Variants in KCNG3 observed in about 807,000 individuals in gnomAD.
The protein encoded by KCNG3 is voltage-gated potassium channel regulatory subunit KCNG3.
KCNG3 carries 15 observed loss-of-function variants against 29.0 expected under a neutral mutation model. The ratio of observed to expected loss-of-function variants is 0.52; its 90% CI spans 0.35 to 0.80. The LOEUF is 0.80. KCNG3 is among the 30% of genes least tolerant of loss of function. KCNG3 has a pLI of 0.01. For missense variants in KCNG3, 512 were observed against 605.7 expected (o/e 0.85, Z 1.62); for synonymous variants, 322 against 248.9 (o/e 1.29, Z -2.76).
the KCNG3 span, among the ~76,000 whole-genome samples, chr2:42,429,907 C>T: frequency 6.6e-6 from 1 of 152,180 alleles, no homozygotes; most frequent in Non-Finnish European, 1.5e-5. Context: ...ACAGAGCCAC[C>T]AGACTCAGCC....
chr2:42,481,711 CCTGTTGCT>C, intron 1 of KCNG3, among the ~76,000 whole-genome samples: 1 of 152,284 alleles, frequency 6.6e-6, no homozygotes, highest in East Asian at 1.9e-4. Flanking sequence ...CGGTTTCCTT[CCTGTTGCT>C]CCAATTGACC....
the KCNG3 span, among the ~76,000 whole-genome samples, chr2:42,434,902 G>A: frequency 5.3e-5 from 8 of 152,032 alleles, no homozygotes; most frequent in Admixed American, 2.0e-4. Context: ...ATATCTACAT[G>A]CAAAAAATAA....
chr2:42,433,621 C>T, the KCNG3 span, among the ~76,000 whole-genome samples: 1 of 152,128 alleles, frequency 6.6e-6, no homozygotes, highest in South Asian at 2.1e-4. Context: ...CCCCTGTAAT[C>T]CCAGCTACTT....
At chr2:42,483,273 G>C (rs937567045) in intron 1 of KCNG3, among the ~76,000 whole-genome samples, 4 of 152,210 alleles carry the variant, frequency 2.6e-5, no homozygotes, top group South Asian at 2.1e-4. Flanking sequence ...ATAAAGAATA[G>C]TTCTGACTTG....
rs183003648 is a variant in KCNG3 at position 42,451,383 on chromosome 2, G to A, written c.666-6804C>T. ...GCTTGAGCCCAGGAGTACAAGACCA[G>A]CCTGGGCAACAAAGCAAGACCCCAT... On this transcript the variant is annotated intron_variant, in intron 1 of 1. Coordinates refer to ENST00000306078, the MANE Select transcript of KCNG3 (RefSeq NM_133329.6). Among the ~76,000 whole-genome samples, 740 of 151,958 alleles carry A rather than the reference G, an allele frequency of 4.9e-3. 7 individuals carry two copies. The highest frequency in any genetic ancestry group is 7.1e-3 in the Non-Finnish European group (481 of 67,968).
chr2:42,483,705 G>C (rs1673648198), intron 1 of KCNG3, among the ~76,000 whole-genome samples: 1 of 152,172 alleles, frequency 6.6e-6, no homozygotes, highest in African/African-American at 2.4e-5. Context: ...TTTATTAAAT[G>C]AATTATGGCA....
chr2:42,395,053 A>C, the KCNG3 span, among the ~76,000 whole-genome samples: 1 of 152,242 alleles, frequency 6.6e-6, no homozygotes, highest in Non-Finnish European at 1.5e-5. Flanking sequence ...CATCAGAGCA[A>C]CCAAAGCATT....
intron 1 of KCNG3, among the ~76,000 whole-genome samples, chr2:42,446,687 T>C (rs1672605614): frequency 6.6e-6 from 1 of 152,154 alleles, no homozygotes; most frequent in South Asian, 2.1e-4. Flanking sequence ...CAAGTGGTAC[T>C]TGATGTTACT....
At chr2:42,431,320 T>C in the KCNG3 span, among the ~76,000 whole-genome samples, 4 of 152,108 alleles carry the variant, frequency 2.6e-5, no homozygotes, top group African/African-American at 7.2e-5. Flanking sequence ...CTTTTTTTTT[T>C]CCCTGAGCAT....
At chr2:42,420,602 C>G in the KCNG3 span, among the ~76,000 whole-genome samples, 1 of 151,994 alleles carries the variant, frequency 6.6e-6, no homozygotes, top group African/African-American at 2.4e-5. Flanking sequence ...CCAGCCTGAC[C>G]AACACGATGA....
At position 42,444,257 on chromosome 2, in the gene KCNG3, T is replaced by C; in HGVS notation, c.988A>G (p.Ile330Val). The change falls in exon 2 of 2, where the codon ATT becomes GTT. Residue 330 changes from isoleucine (I) to valine (V), a missense_variant. Ile to Val is a conservative substitution (Grantham distance 29, BLOSUM62 3). This residue lies in a region of KCNG3 where 173 missense variants were observed against 262.4 expected (regional missense o/e 0.66). Transcript: ENST00000306078. This position sits in a 1 kb window ranked among gnomAD's most constrained non-coding sequence, Gnocchi z 5.8. ...CTAAAGATTGCCATGGCAACACAAA[T>C]GAAGACAAGTAACATAACCATCTCT... ...YREMVMLLVF[I>V]CVAMAIFSAL... The C allele has an allele frequency of 6.2e-7, 1 of 1,614,014 alleles. No individual in the cohort carries two copies.
At chr2:42,430,596 T>C in the KCNG3 span, among the ~76,000 whole-genome samples, 3 of 150,930 alleles carry the variant, frequency 2.0e-5, no homozygotes, top group African/African-American at 7.3e-5. Flanking sequence ...ACAAAAATGT[T>C]AAAAATTAGC....
At chr2:42,460,043 G>A (rs946158248) in intron 1 of KCNG3, among the ~76,000 whole-genome samples, 2 of 151,708 alleles carry the variant, frequency 1.3e-5, no homozygotes, top group African/African-American at 4.8e-5. Flanking sequence ...AACTCTCTGT[G>A]CTGTTTTTGC....
At chr2:42,393,889 T>A in the KCNG3 span, among the ~76,000 whole-genome samples, 1 of 151,916 alleles carries the variant, frequency 6.6e-6, no homozygotes, top group African/African-American at 2.4e-5. Context: ...CAAGCAATTC[T>A]CCTGCCTCAG....
chr2:42,456,534 T>C (rs1672877398), intron 1 of KCNG3, among the ~76,000 whole-genome samples: 1 of 152,058 alleles, frequency 6.6e-6, no homozygotes, highest in Non-Finnish European at 1.5e-5. Context: ...AAAAAAAGAT[T>C]TGTGACCATT....
chr2:42,431,138 T>C, the KCNG3 span, among the ~76,000 whole-genome samples: 4 of 151,902 alleles, frequency 2.6e-5, no homozygotes, highest in Admixed American at 6.6e-5. Flanking sequence ...AAAACATTTA[T>C]ACATTTTTTA....
intron 1 of KCNG3, among the ~76,000 whole-genome samples, chr2:42,445,473 C>G (rs542904979): frequency 3.6e-4 from 55 of 152,224 alleles, no homozygotes; most frequent in African/African-American, 1.3e-3. Context: ...AGTGCCCTCA[C>G]CAGAAACTCA....
intron 1 of KCNG3, among the ~76,000 whole-genome samples, chr2:42,478,185 A>C (rs979365740): frequency 2.6e-5 from 4 of 152,136 alleles, no homozygotes; most frequent in African/African-American, 9.6e-5. Context: ...GATCTAAAGG[A>C]GCTTTTGTTT....
chr2:42,437,930 C>T (rs977844347), downstream of KCNG3, among the ~76,000 whole-genome samples: 3 of 106,000 alleles, frequency 2.8e-5, no homozygotes, highest in Admixed American at 2.5e-4. Flanking sequence ...AAGAGTGAAA[C>T]TCTGTCTCCA....
Sources: gnomAD v4.1 joint callset for allele counts (sites outside exome capture counted in the v4.1 genomes callset) on GRCh38, gnomAD v4.1.1 for gene constraint, gnomAD v4.1.1 regional missense constraint, Gnocchi (gnomAD v3.1) non-coding constraint, MANE v1.5 for transcripts, NCBI Gene and HGNC (gene_info 2026-07-23, HGNC 2026-07-21) for gene names.